The following PYCR3 variants were observed in gnomAD, a reference collection of about 807,000 sequenced individuals.
PYCR3 encodes P5C reductase 3.
Under a neutral mutation model 23.4 loss-of-function variants are expected in PYCR3, and 26 were observed. The ratio of observed to expected loss-of-function variants is 1.11; its 90% CI spans 0.81 to 1.54. The LOEUF is 1.54. Among genes scored for constraint, PYCR3 ranks in the 40% most tolerant of loss-of-function variants. The pLI, the probability that PYCR3 is intolerant of heterozygous loss-of-function variation, is 0.00. For synonymous variants in PYCR3, 194 were observed against 162.6 expected (o/e 1.19, Z -1.47); for missense variants, 360 against 376.3 (o/e 0.96, Z 0.36).
At chr8:143,607,335 G>A (rs1203192959) in intron 2 of PYCR3, among the ~76,000 whole-genome samples, 2 of 152,008 alleles carry the variant, frequency 1.3e-5, no homozygotes, top group African/African-American at 2.4e-5. Flanking sequence ...TGATGTCAGC[G>A]CCTCCCCAAG....
Position 143,606,680 on chromosome 8 carries a change from C to T in PYCR3, c.337-1G>A. On this transcript the variant is annotated splice_acceptor_variant, in intron 3 of 5. Transcript: ENST00000495276. LOFTEE classifies it high-confidence loss of function. Reference sequence around the variant, plus strand: ...GCACCCGTGTGTTTGGGGGCAGCAGCTGGCCAGAGAGAGGTCAGAATCAGG... The same window carrying T: ...GCACCCGTGTGTTTGGGGGCAGCAGTTGGCCAGAGAGAGGTCAGAATCAGG... 6.3e-7 allele frequency: 1 copy of T among 1,582,696 alleles called. No homozygotes were observed. Among genetic ancestry groups the T allele is most frequent in the Non-Finnish European group, 8.6e-7 (1 of 1,166,210 alleles).
At position 143,605,352 on chromosome 8, in the gene PYCR3, T is replaced by C; in HGVS notation, c.*348A>G. On this transcript the variant is annotated 3_prime_UTR_variant, in exon 6 of 6. Transcript: ENST00000495276. ...GGCCAGCCGTGCCTGTTACCGTAAG[T>C]TCTGTTCATGGCCTCAACCAACTGC... The C allele has an allele frequency of 2.7e-6, 1 of 372,618 alleles. No individual in the cohort carries two copies. Among genetic ancestry groups the C allele is most frequent in the South Asian group, 3.7e-5 (1 of 26,774 alleles). 23.1% of individuals were successfully genotyped at this position (372,618 alleles called of 1,614,324 possible).
Position 143,605,764 on chromosome 8 carries a change from C to T in PYCR3, c.761G>A (p.Arg254Gln), listed in dbSNP as rs575409447. 15 of 1,610,574 alleles carry T rather than the reference C, an allele frequency of 9.3e-6. No individual in the cohort carries two copies. The highest frequency in any genetic ancestry group is 5.3e-5 in the African/African-American group (4 of 75,010). ...CTCCACGGCGCTCATGGTGGCTGCT[C>T]GCAGCCCGCCCTGCTCCAGGGCGTG... ...GLHALEQGGL[R>Q]AATMSAVEAA... Residue 254 changes from arginine (R) to glutamine (Q), a missense_variant, in exon 6 of 6, where the codon CGA becomes CAA. Coordinates refer to ENST00000495276, the MANE Select transcript of PYCR3 (RefSeq NM_023078.6).
In PYCR3 at chr8:143,606,140, G is replaced by A. The variant is rs749647432; in HGVS notation, c.564C>T (p.Ser188=). The change falls in exon 5 of 6, where the codon TCC becomes TCT. Residue 188 remains serine, a synonymous_variant. Transcript: ENST00000495276. ...TGACGGCTCCTTCAGCCAGGGCCTC[G>A]GAGAATGCACACACCTGTAGCCGCG... ...GSGVAFVCAF[S]EALAEGAVKM... The A allele has an allele frequency of 1.1e-5, 17 of 1,609,222 alleles. No homozygotes were observed. Among genetic ancestry groups the A allele is most frequent in the South Asian group, 1.0e-4 (9 of 90,350 alleles).
Position 143,604,682 on chromosome 8 carries a change from G to A in PYCR3, c.*1018C>T, listed in dbSNP as rs1829341151. On this transcript the variant is annotated 3_prime_UTR_variant, in exon 6 of 6. Coordinates refer to ENST00000495276, the MANE Select transcript of PYCR3 (RefSeq NM_023078.6). Reference sequence around the variant, plus strand: ...GCAGGGGACGGAGCTGAGGCTGTCCGGCCCGGGCCCTCCCCACCCAAAGGC... The same window carrying A: ...GCAGGGGACGGAGCTGAGGCTGTCCAGCCCGGGCCCTCCCCACCCAAAGGC... 9.2e-6 allele frequency: 3 copies of A among 325,618 alleles called. No individual in the cohort carries two copies. The highest frequency in any genetic ancestry group is 1.2e-5 in the Non-Finnish European group (2 of 168,010). 20.2% of individuals were successfully genotyped at this position (325,618 alleles called of 1,614,324 possible).
chr8:143,605,937 G>T, intron 5 of PYCR3, 55 bp from the exon 6 acceptor site: 1 of 1,573,858 alleles, frequency 6.4e-7, no homozygotes, highest in Non-Finnish European at 8.7e-7. Flanking sequence ...TCCCCACTGT[G>T]CGGCCTGCCC....
Position 143,607,136 on chromosome 8 carries a change from C to G in PYCR3, c.157-4G>C, listed in dbSNP as rs569296466. On this transcript the variant is annotated splice_region_variant and splice_polypyrimidine_tract_variant and intron_variant, in intron 2 of 5. Transcript: ENST00000495276. ...GCGTGGTCCGGCAACCCAGAGCCTG[C>G]GCCAGGGACACCAGGACCAAGCCTC... 9.0e-6 allele frequency: 14 copies of G among 1,559,526 alleles called. No individual in the cohort carries two copies. The highest frequency in any genetic ancestry group is 1.2e-5 in the Non-Finnish European group (14 of 1,151,016).
Position 143,607,016 on chromosome 8 carries a change from C to A in PYCR3, c.273G>T (p.Val91=), listed in dbSNP as rs1168365716. Residue 91 remains valine (V), a synonymous_variant, in exon 3 of 6, where the codon GTG becomes GTT. Transcript: ENST00000495276. ...ACACCAAGATGTGTTCAGTGGTGAC[C>A]ACAGGAGCCACCTCTGCCAGGACAG... ...LPAVLAEVAP[V]VTTEHILVSV... is the part of the protein sequence containing the mutation. 6.2e-7 allele frequency: 1 copy of A among 1,613,310 alleles called. No homozygotes were observed. Among genetic ancestry groups the A allele is most frequent in the Admixed American group, 1.7e-5 (1 of 60,000 alleles).
At position 143,605,889 on chromosome 8, in the gene PYCR3, A is replaced by G; in HGVS notation, c.643-7T>C. On this transcript the variant is annotated splice_region_variant and splice_polypyrimidine_tract_variant and intron_variant, in intron 5 of 5. Coordinates refer to ENST00000495276, the MANE Select transcript of PYCR3 (RefSeq NM_023078.6). Reference sequence around the variant, plus strand: ...GCAGCATCTTGGCCGTCCCCTGAGGAGAGCGTTAGGGCCTGGTGACGGGGG... The same window carrying G: ...GCAGCATCTTGGCCGTCCCCTGAGGGGAGCGTTAGGGCCTGGTGACGGGGG... 7 of 1,600,250 alleles carry G rather than the reference A, an allele frequency of 4.4e-6. No homozygotes were observed. The highest frequency in any genetic ancestry group is 6.0e-6 in the Non-Finnish European group (7 of 1,171,712).
chr8:143,605,616 G>A lies in PYCR3; in HGVS notation c.*84C>T, dbSNP rs948404832. On this transcript the variant is annotated 3_prime_UTR_variant, in exon 6 of 6. Coordinates refer to ENST00000495276, the MANE Select transcript of PYCR3 (RefSeq NM_023078.6). ...GGAGCAGTAGGAGACCCTCATGCAG[G>A]AGGGAGGGAGCCGCAGTCCTCAGGG... 7.6e-5 allele frequency: 95 copies of A among 1,249,784 alleles called. No homozygotes were observed. Among genetic ancestry groups the A allele is most frequent in the Non-Finnish European group, 1.0e-4 (92 of 900,346 alleles). The allele number at this position is 1,249,784 out of a possible 1,614,324, so 77.4% of individuals were successfully genotyped here.
Position 143,605,134 on chromosome 8 carries a change from G to A in PYCR3, c.*566C>T. 1 of 355,720 alleles carries A rather than the reference G, an allele frequency of 2.8e-6. No homozygotes were observed. Among genetic ancestry groups the A allele is most frequent in the Admixed American group, 3.9e-5 (1 of 25,832 alleles). 22.0% of individuals were successfully genotyped at this position (355,720 alleles called of 1,614,324 possible). On this transcript the variant is annotated 3_prime_UTR_variant, in exon 6 of 6. Transcript: ENST00000495276. ...CAGCCACCCTCTTCTCCAGGCTGCA[G>A]GGCAGGCTCCAGCTCCCCATGGGGG...
chr8:143,608,411 G>A, intron 1 of PYCR3: 1 of 477,582 alleles, frequency 2.1e-6, no homozygotes, highest in Non-Finnish European at 3.8e-6. Flanking sequence ...TGCCTCCAGG[G>A]AAGGGAAGGC....
In PYCR3 at chr8:143,608,044, C is replaced by T. The variant is rs1174385155; in HGVS notation, c.156+18G>A. ...CCTGGGCTCCTGAGGGTATGAAGAA[C>T]CTGGGCTCTATGCTCACTTGAAAGT... On this transcript the variant is annotated intron_variant, in intron 2 of 5. Transcript: ENST00000495276. The T allele has an allele frequency of 1.9e-6, 3 of 1,604,766 alleles. No homozygotes were observed. In the East Asian group the frequency reaches 6.7e-5, roughly 36 times the overall value.
At chr8:143,606,749 C>T in intron 3 of PYCR3, 70 bp from the exon 4 acceptor site, 1 of 1,481,092 alleles carries the variant, frequency 6.8e-7, no homozygotes, top group Non-Finnish European at 9.1e-7. Flanking sequence ...CCAGCAGGGG[C>T]CTCAGGAAAG....
At position 143,607,105 on chromosome 8, in the gene PYCR3, TGGAGTGC is replaced by T; in HGVS notation, c.177_183del (p.His60ThrfsTer46). ...AGGCAGCTCTGCAGCACCTCCTGGT[TGGAGTGC>T]GTGGTCCGGCAACCCAGAGCCTGCG... On this transcript the variant is annotated frameshift_variant, in exon 3 of 6. Transcript: ENST00000495276. LOFTEE classifies it high-confidence loss of function. The T allele has an allele frequency of 6.2e-7, 1 of 1,600,172 alleles. No homozygotes were observed. Among genetic ancestry groups the T allele is most frequent in the Non-Finnish European group, 8.5e-7 (1 of 1,173,722 alleles).
rs1416267120 is a variant in PYCR3 at position 143,605,637 on chromosome 8, C to T, written c.*63G>A. The T allele has an allele frequency of 4.8e-6, 7 of 1,466,110 alleles. No individual in the cohort carries two copies. The highest frequency in any genetic ancestry group is 5.6e-6 in the Non-Finnish European group (6 of 1,076,340). The allele number at this position is 1,466,110 out of a possible 1,614,324, so 90.8% of individuals were successfully genotyped here. A position where few individuals can be genotyped will look rare whatever the true frequency, so the allele number is the denominator to read the frequency against. ...GCAGGAGGGAGGGAGCCGCAGTCCT[C>T]AGGGGAAGGGACACAGGGAGAGGCA... On this transcript the variant is annotated 3_prime_UTR_variant, in exon 6 of 6. Transcript: ENST00000495276.
chr8:143,605,058 G>C lies in PYCR3; in HGVS notation c.*642C>G, dbSNP rs1829354509. ...CTGGTGCCACCCCAGCACTGCCGCAGACCTGGCCCAGCAGCTCCTGCTCCT... is the reference window on the plus strand; with the variant it reads ...CTGGTGCCACCCCAGCACTGCCGCACACCTGGCCCAGCAGCTCCTGCTCCT... On this transcript the variant is annotated 3_prime_UTR_variant, in exon 6 of 6. Coordinates refer to ENST00000495276, the MANE Select transcript of PYCR3 (RefSeq NM_023078.6). The C allele has an allele frequency of 2.4e-6, 1 of 408,928 alleles. No individual in the cohort carries two copies. Among genetic ancestry groups the C allele is most frequent in the African/African-American group, 2.1e-5 (1 of 48,050 alleles). 25.3% of individuals were successfully genotyped at this position (408,928 alleles called of 1,614,324 possible). A position where few individuals can be genotyped will look rare whatever the true frequency, so the allele number is the denominator to read the frequency against.
At chr8:143,606,886 C>T (rs532797677) in intron 3 of PYCR3, 67 bp downstream of exon 3, 9 of 1,500,510 alleles carry the variant, frequency 6.0e-6, no homozygotes, top group South Asian at 2.6e-5. Flanking sequence ...TGGGGGGCTG[C>T]CTGCCGCCCA....
rs1587285802 is a variant in PYCR3, at chr8:143,605,440, C to G, written c.*260G>C. The G allele has an allele frequency of 7.8e-6, 4 of 514,272 alleles. No individual in the cohort carries two copies. The South Asian group carries it at 1.3e-4, about 16-fold the overall frequency. 31.9% of individuals were successfully genotyped at this position (514,272 alleles called of 1,614,324 possible). On this transcript the variant is annotated 3_prime_UTR_variant, in exon 6 of 6. Transcript: ENST00000495276. The stretch of plus-strand genomic sequence containing the variant: ...GGGCCCCTCAGAACCAATGTTGCAG[C>G]AAGGTGGGCTCACTGCAGCAAGGGG...
Sources: gnomAD v4.1 joint callset for allele counts (sites outside exome capture counted in the v4.1 genomes callset) on GRCh38, gnomAD v4.1.1 for gene constraint, MANE v1.5 for transcripts, NCBI Gene and HGNC (gene_info 2026-07-23, HGNC 2026-07-21) for gene names.